SEC23A: variants seen among roughly 807,000 people sequenced by gnomAD.
The protein encoded by SEC23A is protein transport protein Sec23A.
Under a neutral mutation model 103.7 loss-of-function variants are expected in SEC23A, and 56 were observed. The ratio of observed to expected loss-of-function variants is 0.54; its 90% CI spans 0.44 to 0.67. The LOEUF (loss-of-function observed/expected upper bound fraction) is 0.67. Ranked by LOEUF, SEC23A falls within the 30% of genes least tolerant of loss-of-function variation. The probability of loss-of-function intolerance (pLI) is 0.00; values close to 1 mark genes in which losing one functional copy is unlikely to be tolerated. For missense variants in SEC23A, 784 were observed against 936.4 expected, an observed-to-expected ratio of 0.84 and a Z score of 2.12; for synonymous variants, 281 against 293.0, an observed-to-expected ratio of 0.96 and a Z score of 0.42.
intron 9 of SEC23A, among the ~76,000 whole-genome samples, chr14:39,071,604 C>A (rs1278742663): frequency 6.6e-6 from 1 of 151,980 alleles, no homozygotes; most frequent in Non-Finnish European, 1.5e-5. Flanking sequence ...GTGGCTCAGG[C>A]CTGTAATCCT....
chr14:39,095,048 A>G (rs1480147032), intron 2 of SEC23A: 3 of 688,918 alleles, frequency 4.4e-6, no homozygotes, highest in Non-Finnish European at 5.2e-6. Flanking sequence ...CAGGGAGAGC[A>G]GGTAGGAGGA....
chr14:39,093,291 A>G (rs1403937920), intron 2 of SEC23A, 47 bp from the exon 3 acceptor site: 10 of 1,459,028 alleles, frequency 6.9e-6, no homozygotes, highest in Admixed American at 1.8e-5. Flanking sequence ...ATTTCAGTTC[A>G]ATTTTACAAA....
chr14:39,056,149 G>C (rs1886240139), intron 13 of SEC23A, among the ~76,000 whole-genome samples: 1 of 152,210 alleles, frequency 6.6e-6, no homozygotes, highest in Non-Finnish European at 1.5e-5. Context: ...CTGTAAGCTT[G>C]TTTCAAACTA....
At chr14:39,075,428 T>C (rs1168122000) in intron 8 of SEC23A, among the ~76,000 whole-genome samples, 2 of 152,044 alleles carry the variant, frequency 1.3e-5, no homozygotes, top group African/African-American at 2.4e-5. Flanking sequence ...TTAAGAGATA[T>C]TAACAAATAG....
At chr14:39,093,079 G>A in intron 3 of SEC23A, 108 bp downstream of exon 3, 1 of 825,068 alleles carries the variant, frequency 1.2e-6, no homozygotes, top group South Asian at 1.4e-5. Context: ...GTGTTAGCCA[G>A]GATGGTCTCA....
At chr14:39,033,454 C>G in intron 19 of SEC23A, 126 bp from the exon 20 acceptor site, 1 of 247,358 alleles carries the variant, frequency 4.0e-6, no homozygotes, top group South Asian at 4.1e-5. Flanking sequence ...TAAAAAGAAT[C>G]TAACTGGCCT....
intron 16 of SEC23A, among the ~76,000 whole-genome samples, chr14:39,044,144 C>A (rs1885751311): frequency 6.6e-6 from 1 of 151,870 alleles, no homozygotes; most frequent in African/African-American, 2.4e-5. Context: ...AAAAGCAAAA[C>A]CCTAAGAACA....
chr14:39,039,147 A>G (rs1249562706), intron 18 of SEC23A, 51 bp from the exon 19 acceptor site: 8 of 1,397,722 alleles, frequency 5.7e-6, no homozygotes, highest in Admixed American at 5.0e-5. Flanking sequence ...GTTTCAGTCA[A>G]TATCAGCTGA....
intron 7 of SEC23A, among the ~76,000 whole-genome samples, chr14:39,077,135 G>A (rs1887055729): frequency 6.8e-6 from 1 of 146,894 alleles, no homozygotes; most frequent in Non-Finnish European, 1.5e-5. Context: ...AGCTGGGGCA[G>A]GAGAATTGCT....
At chr14:39,089,334 C>A (rs866597040) in intron 5 of SEC23A, among the ~76,000 whole-genome samples, 1 of 152,062 alleles carries the variant, frequency 6.6e-6, no homozygotes. Context: ...TCATTTAATT[C>A]TCATGACTAC....
At chr14:39,086,541 G>C (rs1887451296) in intron 6 of SEC23A, among the ~76,000 whole-genome samples, 1 of 152,106 alleles carries the variant, frequency 6.6e-6, no homozygotes, top group Admixed American at 6.5e-5. Flanking sequence ...AGAATTGTTT[G>C]AACCTGGGAG....
At chr14:39,060,459 A>C (rs1318581897) in intron 13 of SEC23A, among the ~76,000 whole-genome samples, 2 of 152,194 alleles carry the variant, frequency 1.3e-5, no homozygotes, top group Non-Finnish European at 2.9e-5. Flanking sequence ...TGAGAGCTAC[A>C]AATGCCTTCC....
chr14:39,045,550 A>G (rs902976790), intron 15 of SEC23A, among the ~76,000 whole-genome samples: 1 of 152,074 alleles, frequency 6.6e-6, no homozygotes, highest in Non-Finnish European at 1.5e-5. Flanking sequence ...GAAAAAAAAA[A>G]TTTTTAAGTT....
At chr14:39,048,802 A>G in intron 14 of SEC23A, 73 bp from the exon 15 acceptor site, 1 of 807,570 alleles carries the variant, frequency 1.2e-6, no homozygotes, top group South Asian at 1.5e-5. Flanking sequence ...TAAATATTCT[A>G]TTTACAAGAA....
rs771963211 is a variant in SEC23A at position 39,045,257 on chromosome 14, T to C, written c.1805A>G (p.Tyr602Cys). Residue 602 changes from tyrosine (Y) to cysteine (C), a missense_variant, in exon 16 of 20, where the codon TAT (tyrosine) becomes TGT (cysteine). Transcript: ENST00000307712. ...TTGACGCATAAAATGGTGACGATAA[T>C]ATGAACTCTCATCAGGACTATTGTT... ...VFNNSPDESS[Y>C]YRHHFMRQDL... The C allele has an allele frequency of 3.1e-6, 5 of 1,612,680 alleles. No homozygotes were observed. Among genetic ancestry groups the C allele is most frequent in the Non-Finnish European group, 4.2e-6 (5 of 1,178,878 alleles).
intron 5 of SEC23A, chr14:39,091,137 C>A (rs369498582): frequency 3.2e-5 from 12 of 370,042 alleles, no homozygotes; most frequent in East Asian, 1.4e-4. Context: ...AAAAGCTGAA[C>A]TCTTAAGAAA....
intron 7 of SEC23A, among the ~76,000 whole-genome samples, chr14:39,081,022 T>C (rs925449477): frequency 6.6e-6 from 1 of 151,986 alleles, no homozygotes; most frequent in Non-Finnish European, 1.5e-5. Flanking sequence ...CTGGGCAACA[T>C]GGCAAGACTC....
chr14:39,089,066 C>T (rs1424864568), intron 5 of SEC23A, among the ~76,000 whole-genome samples: 4 of 142,762 alleles, frequency 2.8e-5, no homozygotes, highest in East Asian at 2.2e-4. Context: ...CCCAGCTACT[C>T]GGGAGGCTGA....
At chr14:39,043,392 TAACA>T (rs897770769) in intron 16 of SEC23A, among the ~76,000 whole-genome samples, 1 of 152,184 alleles carries the variant, frequency 6.6e-6, no homozygotes, top group African/African-American at 2.4e-5. Flanking sequence ...TAAGCTGAGG[TAACA>T]AACAATTTAA....
Sources: allele counts gnomAD v4.1 joint callset (sites outside exome capture counted in the v4.1 genomes callset), GRCh38; gene constraint gnomAD v4.1.1; transcripts MANE v1.5; gene names NCBI Gene and HGNC (gene_info 2026-07-23, HGNC 2026-07-21).